The following TRPM3 variants were observed in gnomAD, a reference collection of about 807,000 sequenced individuals.
The protein encoded by TRPM3 is transient receptor potential cation channel subfamily M member 3, also known as long transient receptor potential channel 3.
TRPM3 carries 77 observed loss-of-function variants against 181.2 expected under a neutral mutation model. The ratio of observed to expected loss-of-function variants is 0.42; its 90% CI spans 0.35 to 0.51. The LOEUF (loss-of-function observed/expected upper bound fraction) is 0.51. Among genes scored for constraint, TRPM3 ranks in the 20% least tolerant of loss-of-function variants. The probability of loss-of-function intolerance (pLI) is 0.01; values close to 1 mark genes in which losing one functional copy is unlikely to be tolerated. For missense variants in TRPM3, 1,759 were observed against 2,196.7 expected (o/e 0.80, Z 3.98); for synonymous variants, 745 against 796.4 (o/e 0.94, Z 1.09).
intron 19 of TRPM3, among the ~76,000 whole-genome samples, chr9:70,604,810 CT>C (rs972922821): frequency 5.3e-5 from 8 of 151,942 alleles, no homozygotes; most frequent in African/African-American, 1.7e-4. Context: ...CCACACCCAG[CT>C]AAGTTTTTGT....
chr9:71,072,706 C>T (rs1233866098), intron 1 of TRPM3, among the ~76,000 whole-genome samples: 1 of 152,160 alleles, frequency 6.6e-6, no homozygotes, highest in African/African-American at 2.4e-5. Context: ...TCGTAATCAA[C>T]TCAGTATACC....
chr9:70,750,648 A>G (rs758741348), intron 8 of TRPM3, among the ~76,000 whole-genome samples: 3 of 152,324 alleles, frequency 2.0e-5, no homozygotes, highest in Non-Finnish European at 2.9e-5. Context: ...AAAGAAACTC[A>G]GAATAACTTG....
chr9:70,670,813 C>G (rs1477026316), intron 9 of TRPM3, among the ~76,000 whole-genome samples: 1 of 152,096 alleles, frequency 6.6e-6, no homozygotes, highest in Non-Finnish European at 1.5e-5. Context: ...CTAGCAATAA[C>G]CATGTCATGT....
intron 8 of TRPM3, among the ~76,000 whole-genome samples, chr9:70,697,920 G>A (rs2071078741): frequency 6.6e-6 from 1 of 152,120 alleles, no homozygotes; most frequent in Admixed American, 6.5e-5. Context: ...CCATTAAGAA[G>A]TTTCCTTGTG....
intron 9 of TRPM3, among the ~76,000 whole-genome samples, chr9:70,645,851 C>A (rs1349510883): frequency 6.6e-6 from 1 of 151,998 alleles, no homozygotes; most frequent in Non-Finnish European, 1.5e-5. Flanking sequence ...GGGCTAATAT[C>A]CAGAATCTAT....
At chr9:71,442,409 G>A (rs1308990612) in intron 1 of TRPM3, among the ~76,000 whole-genome samples, 1 of 152,082 alleles carries the variant, frequency 6.6e-6, no homozygotes, top group Non-Finnish European at 1.5e-5. Flanking sequence ...AAATAGCTGT[G>A]GGGGTAGAAA....
chr9:70,946,753 C>A (rs1046501551), intron 1 of TRPM3, among the ~76,000 whole-genome samples: 3 of 152,114 alleles, frequency 2.0e-5, no homozygotes, highest in African/African-American at 7.2e-5. Context: ...GGTCCCCCAA[C>A]CAAAGTATTC....
At chr9:70,905,071 TAGATATGACTC>T (rs1185147477) in intron 1 of TRPM3, among the ~76,000 whole-genome samples, 2 of 152,198 alleles carry the variant, frequency 1.3e-5, no homozygotes, top group Non-Finnish European at 2.9e-5. Flanking sequence ...CAGTAACAAT[TAGATATGACTC>T]CCATCAATCA....
At chr9:71,317,404 C>A (rs1314121672) in intron 1 of TRPM3, among the ~76,000 whole-genome samples, 1 of 152,154 alleles carries the variant, frequency 6.6e-6, no homozygotes, top group Non-Finnish European at 1.5e-5. Context: ...GAGGCTGAGG[C>A]TGAGACAGGC....
intron 1 of TRPM3, among the ~76,000 whole-genome samples, chr9:71,026,524 G>A (rs1317477275): frequency 2.0e-5 from 3 of 152,160 alleles, no homozygotes; most frequent in Admixed American, 6.5e-5. Flanking sequence ...CATGTTTGCA[G>A]AGGAACTCTT....
chr9:71,206,787 T>C (rs890344376), intron 1 of TRPM3, among the ~76,000 whole-genome samples: 7 of 152,138 alleles, frequency 4.6e-5, no homozygotes, highest in Non-Finnish European at 8.8e-5. Flanking sequence ...GGGGTCCAGT[T>C]TCAGTTTTCT....
chr9:70,846,419 A>G lies in TRPM3; in HGVS notation c.635T>C (p.Met212Thr), dbSNP rs769919463. The G allele has an allele frequency of 1.1e-5, 18 of 1,614,026 alleles. No individual in the cohort carries two copies. The highest frequency in any genetic ancestry group is 1.4e-5 in the Non-Finnish European group (17 of 1,180,014). The change falls in exon 4 of 26, where the codon ATG becomes ACG. Residue 212 changes from methionine to threonine, a missense_variant. This residue lies in a region of TRPM3 where 737 missense variants were observed against 957.4 expected (regional missense o/e 0.77). Coordinates refer to ENST00000677713, the MANE Select transcript of TRPM3 (RefSeq NM_001366145.2). The part of the protein sequence containing the change: ...VFGKGLIKAA[M>T]TTGAWIFTGG... ...AGTGAATATCCACGCTCCAGTTGTC[A>G]TTGCTGCTTTGATGAGCCCTTTCCC...
chr9:71,086,991 C>T (rs562306989), intron 1 of TRPM3, among the ~76,000 whole-genome samples: 2 of 151,946 alleles, frequency 1.3e-5, no homozygotes, highest in Non-Finnish European at 2.9e-5. Context: ...ATGAAACTAC[C>T]GAATTTCCTG....
intron 25 of TRPM3, among the ~76,000 whole-genome samples, chr9:70,539,018 T>C (rs1031694907): frequency 7.2e-5 from 11 of 152,236 alleles, no homozygotes; most frequent in African/African-American, 2.7e-4. Flanking sequence ...ATGAGACCCA[T>C]GCACAACTTT....
chr9:71,050,906 A>G (rs2059995898), intron 1 of TRPM3, among the ~76,000 whole-genome samples: 1 of 152,194 alleles, frequency 6.6e-6, no homozygotes, highest in Non-Finnish European at 1.5e-5. Flanking sequence ...GATTAATGGG[A>G]GGGGAGAAGG....
At chr9:70,921,844 G>A (rs1031408997) in intron 1 of TRPM3, among the ~76,000 whole-genome samples, 12 of 151,810 alleles carry the variant, frequency 7.9e-5, no homozygotes, top group Middle Eastern at 3.4e-3. Context: ...ACAGAATGCT[G>A]CCAACAACCA....
chr9:70,900,234 G>A (rs931756572), intron 1 of TRPM3, among the ~76,000 whole-genome samples: 6 of 152,044 alleles, frequency 3.9e-5, no homozygotes, highest in South Asian at 2.1e-4. Context: ...TCAGCTACTC[G>A]GAAGGCTGAG....
rs3041716 is a variant in TRPM3 at position 71,332,376 on chromosome 9, GGTGTGTGT to G, written c.183+114269_183+114276del. ...TCTAGGTCAGTGGTTTTCAATGTTG[GGTGTGTGT>G]GTGTGTGTGTGTGTGTGTGTGTGTG... On this transcript the variant is annotated intron_variant, in intron 1 of 24. Transcript: ENST00000357533. 5.4e-3 allele frequency among the ~76,000 whole-genome samples: 766 copies of G among 142,318 alleles called. 18 individuals are homozygous for G. Among genetic ancestry groups the G allele is most frequent in the Admixed American group, 0.034 (486 of 14,296 alleles). The allele number at this position is 142,318 out of a possible 152,430, so 93.4% of individuals were successfully genotyped here. A position where few individuals can be genotyped will look rare whatever the true frequency, so the allele number is the denominator to read the frequency against.
rs59193514 is a variant in TRPM3, at chr9:70,573,972, TCACACA to T, written c.3223+17053_3223+17058del. On this transcript the variant is annotated intron_variant, in intron 22 of 25. Coordinates refer to ENST00000677713, the MANE Select transcript of TRPM3 (RefSeq NM_001366145.2). ...TGTAGCTTAAATCATGCAATTCATT[TCACACA>T]CACACACACACACACACACACACAC... Among the ~76,000 whole-genome samples the T allele has an allele frequency of 8.2e-3, 1,153 of 141,018 alleles. 7 individuals are homozygous for T. The highest frequency in any genetic ancestry group is 0.024 in the African/African-American group (899 of 37,030). The allele number at this position is 141,018 out of a possible 152,430, so 92.5% of individuals were successfully genotyped here. A position where few individuals can be genotyped will look rare whatever the true frequency, so the allele number is the denominator to read the frequency against.
Sources: gnomAD v4.1 joint callset for allele counts (sites outside exome capture counted in the v4.1 genomes callset) on GRCh38, gnomAD v4.1.1 for gene constraint, gnomAD v4.1.1 regional missense constraint, MANE v1.5 for transcripts, NCBI Gene and HGNC (gene_info 2026-07-23, HGNC 2026-07-21) for gene names.